Variants in PPP1R12B observed in about 807,000 individuals in gnomAD.
PPP1R12B encodes protein phosphatase 1 regulatory subunit 12B.
A neutral mutation model predicts 126.1 loss-of-function variants in PPP1R12B; 76 were observed. That is an observed-to-expected ratio of 0.60 (90% confidence interval 0.50 to 0.73). The LOEUF (loss-of-function observed/expected upper bound fraction) is 0.73. Ranked by LOEUF, PPP1R12B falls within the 30% of genes least tolerant of loss-of-function variation. PPP1R12B has a pLI of 0.00. For synonymous variants in PPP1R12B, 356 were observed against 434.7 expected, an observed-to-expected ratio of 0.82 and a Z score of 2.25; for missense variants, 1,052 against 1,205.1, an observed-to-expected ratio of 0.87 and a Z score of 1.88.
intron 18 of PPP1R12B, chr1:202,539,710 C>T (rs1277847871): frequency 1.3e-5 from 2 of 155,046 alleles, no homozygotes; most frequent in Admixed American, 6.3e-5. Flanking sequence ...TTCCCAGACT[C>T]GCTGCCGGCA....
At chr1:202,402,412 G>C (rs1305576162) in intron 1 of PPP1R12B, among the ~76,000 whole-genome samples, 1 of 152,102 alleles carries the variant, frequency 6.6e-6, no homozygotes, top group Admixed American at 6.6e-5. Context: ...CTTCTTCTAG[G>C]ACATAGCAGT....
intron 18 of PPP1R12B, among the ~76,000 whole-genome samples, chr1:202,519,552 G>A (rs1223070197): frequency 3.9e-5 from 6 of 152,180 alleles, no homozygotes; most frequent in East Asian, 3.9e-4. Context: ...GATTACAGGC[G>A]TGAACCACTG....
intron 6 of PPP1R12B, 135 bp from the exon 7 acceptor site, chr1:202,430,596 C>T: frequency 1.3e-6 from 1 of 785,636 alleles, no homozygotes; most frequent in Non-Finnish European, 1.9e-6. Flanking sequence ...TTCTCTTTTT[C>T]TCGGGTTCCC....
chr1:202,441,852 CT>C (rs1213361691), intron 11 of PPP1R12B, among the ~76,000 whole-genome samples: 1 of 151,722 alleles, frequency 6.6e-6, no homozygotes, highest in Non-Finnish European at 1.5e-5. Context: ...TTGCAACACA[CT>C]TTTTTCTTTA....
At chr1:202,397,548 C>T (rs1249211975) in intron 1 of PPP1R12B, among the ~76,000 whole-genome samples, 3 of 152,178 alleles carry the variant, frequency 2.0e-5, no homozygotes, top group Non-Finnish European at 4.4e-5. Flanking sequence ...CTCAACCTTT[C>T]CCTTCCTTAG....
intron 19 of PPP1R12B, 165 bp from the exon 20 acceptor site, chr1:202,562,613 C>T (rs2249811): frequency 0.49 from 414,526 of 842,898 alleles, 107,264 homozygotes; most frequent in East Asian, 0.71. Context: ...GCCCTGAGGT[C>T]TGGGAACGCT....
chr1:202,455,074 A>G (rs1358486538), intron 13 of PPP1R12B, among the ~76,000 whole-genome samples: 1 of 152,150 alleles, frequency 6.6e-6, no homozygotes, highest in African/African-American at 2.4e-5. Context: ...AATTGAAAAG[A>G]TACTGAGGTG....
chr1:202,445,093 C>G, intron 12 of PPP1R12B: 3 of 1,247,300 alleles, frequency 2.4e-6, no homozygotes, highest in Non-Finnish European at 3.0e-6. Flanking sequence ...TACATTTCAG[C>G]CAATCGCAAT....
intron 11 of PPP1R12B, among the ~76,000 whole-genome samples, chr1:202,441,841 A>G (rs1425817349): frequency 6.6e-6 from 1 of 151,262 alleles, no homozygotes; most frequent in Non-Finnish European, 1.5e-5. Flanking sequence ...ACTAAGACTG[A>G]TTGCAACACA....
intron 1 of PPP1R12B, among the ~76,000 whole-genome samples, chr1:202,362,681 A>G (rs1286217155): frequency 2.0e-5 from 3 of 148,380 alleles, no homozygotes; most frequent in Admixed American, 6.9e-5. Flanking sequence ...TGTAATAAGG[A>G]AATAACTTTG....
At position 202,445,244 on chromosome 1, in the gene PPP1R12B, G is replaced by C. The variant is rs1310903653; in HGVS notation, c.1667+2672G>C. ...ATCATGGCAGGTAAGGCTTCTTGAA[G>C]CCATTTGAGTTGCATTCATCAAAGT... is the stretch of plus-strand genomic sequence containing the variant. On this transcript the variant is annotated intron_variant, in intron 12 of 23. Transcript: ENST00000608999. 2.4e-6 allele frequency: 3 copies of C among 1,243,840 alleles called. No homozygotes were observed. In the Admixed American group the frequency reaches 1.3e-4, roughly 52 times the overall value. 77.1% of individuals were successfully genotyped at this position (1,243,840 alleles called of 1,614,324 possible). A position where few individuals can be genotyped will look rare whatever the true frequency, so the allele number is the denominator to read the frequency against.
intron 13 of PPP1R12B, among the ~76,000 whole-genome samples, chr1:202,456,440 A>C (rs1673650372): frequency 6.6e-6 from 1 of 152,168 alleles, no homozygotes. Flanking sequence ...AGATGACAAA[A>C]GTGAAGAGTA....
chr1:202,437,006 G>C (rs749076031), intron 9 of PPP1R12B, among the ~76,000 whole-genome samples: 4 of 152,098 alleles, frequency 2.6e-5, no homozygotes, highest in Non-Finnish European at 5.9e-5. Context: ...TTAAATCACT[G>C]TATCATAGTA....
At chr1:202,503,854 A>G (rs996255629) in intron 18 of PPP1R12B, among the ~76,000 whole-genome samples, 27 of 151,270 alleles carry the variant, frequency 1.8e-4, no homozygotes, top group Non-Finnish European at 1.2e-4. Flanking sequence ...ATGCAATGGT[A>G]TAGGAGACCT....
chr1:202,471,345 CTTTT>C (rs571223772), intron 13 of PPP1R12B, among the ~76,000 whole-genome samples: 1 of 143,794 alleles, frequency 7.0e-6, no homozygotes, highest in Admixed American at 7.0e-5. Context: ...GTATTTAGGT[CTTTT>C]TTTTTTTTCT....
Position 202,348,966 on chromosome 1 carries a change from C to G in PPP1R12B, c.115C>G (p.Arg39Gly), listed in dbSNP as rs761491383. 6.9e-6 allele frequency: 11 copies of G among 1,602,114 alleles called. No individual in the cohort carries two copies. The highest frequency in any genetic ancestry group is 1.8e-4 in the Middle Eastern group (1 of 5,708). Residue 39 changes from arginine (R) to glycine (G), a missense_variant, in exon 1 of 24, where the codon CGA becomes GGA. Arg to Gly is a moderately radical substitution (Grantham distance 125, BLOSUM62 -2). Transcript: ENST00000608999. ...GACAGAGCAGGAGCCTGCGGAGCGA[C>G]GAGGCGCGGGGCGGCAGCCGCTGAC... ...SLTEQEPAER[R>G]GAGRQPLTRR...
At chr1:202,353,859 C>G (rs1656532419) in intron 1 of PPP1R12B, among the ~76,000 whole-genome samples, 3 of 151,986 alleles carry the variant, frequency 2.0e-5, no homozygotes, top group Admixed American at 6.6e-5. Context: ...ACAATCCTCC[C>G]CCCTCGGCCT....
intron 23 of PPP1R12B, among the ~76,000 whole-genome samples, chr1:202,579,679 G>C (rs747492110): frequency 6.6e-6 from 1 of 152,106 alleles, no homozygotes; most frequent in Admixed American, 6.6e-5. Context: ...TAATAAAATT[G>C]AGTTTCCACT....
intron 13 of PPP1R12B, among the ~76,000 whole-genome samples, chr1:202,486,940 T>C (rs1469517815): frequency 1.3e-5 from 2 of 152,196 alleles, no homozygotes; most frequent in Non-Finnish European, 2.9e-5. Flanking sequence ...TAGAGAACAC[T>C]CGCAATTCAT....
Sources: gnomAD v4.1 joint callset for allele counts (sites outside exome capture counted in the v4.1 genomes callset) on GRCh38, gnomAD v4.1.1 for gene constraint, MANE v1.5 for transcripts, NCBI Gene and HGNC (gene_info 2026-07-23, HGNC 2026-07-21) for gene names.